ADAMTS17: variants seen among roughly 807,000 people sequenced by gnomAD.
ADAMTS17 encodes the protein A disintegrin and metalloproteinase with thrombospondin motifs 17.
ADAMTS17 carries 113 observed loss-of-function variants against 141.5 expected under a neutral mutation model. That is an observed-to-expected ratio of 0.80 (90% confidence interval 0.69 to 0.93). The LOEUF is 0.93. Ranked by LOEUF, ADAMTS17 falls within the 40% of genes least tolerant of loss-of-function variation. ADAMTS17 has a pLI of 0.00. For missense variants in ADAMTS17, 1,659 were observed against 1,517.9 expected, an observed-to-expected ratio of 1.09 and a Z score of -1.54; for synonymous variants, 768 against 630.6, an observed-to-expected ratio of 1.22 and a Z score of -3.27.
Position 100,051,854 on chromosome 15 carries a change from G to T in ADAMTS17, c.2296-123C>A, listed in dbSNP as rs1268576640. On this transcript the variant is annotated intron_variant, in intron 16 of 21. Coordinates refer to ENST00000268070, the MANE Select transcript of ADAMTS17 (RefSeq NM_139057.4). ...ATGAGGGGTAACCAGCTCTTTTCTGGGGCTGAAAACAGGTTCCACTGAGGG... is the reference window on the plus strand; with the variant it reads ...ATGAGGGGTAACCAGCTCTTTTCTGTGGCTGAAAACAGGTTCCACTGAGGG... The T allele has an allele frequency of 6.2e-6, 8 of 1,293,676 alleles. No homozygotes were observed. The South Asian group carries it at 9.6e-5, about 15-fold the overall frequency. 80.1% of individuals were successfully genotyped at this position (1,293,676 alleles called of 1,614,324 possible). A position where few individuals can be genotyped will look rare whatever the true frequency, so the allele number is the denominator to read the frequency against.
At chr15:100,255,505 C>T (rs979554111) in intron 6 of ADAMTS17, among the ~76,000 whole-genome samples, 1 of 152,156 alleles carries the variant, frequency 6.6e-6, no homozygotes, top group Non-Finnish European at 1.5e-5. Context: ...AGAAGCAGCA[C>T]TGGCAGAGGG....
intron 18 of ADAMTS17, among the ~76,000 whole-genome samples, chr15:100,019,843 GC>G (rs2061368721): frequency 6.6e-6 from 1 of 152,166 alleles, no homozygotes; most frequent in South Asian, 2.1e-4. Flanking sequence ...ACAGCCAGAT[GC>G]CCATCTCCCT....
chr15:100,193,546 G>T (rs1342478325), intron 8 of ADAMTS17, among the ~76,000 whole-genome samples: 1 of 152,208 alleles, frequency 6.6e-6, no homozygotes, highest in African/African-American at 2.4e-5. Flanking sequence ...CTCCAATGTT[G>T]CGTCTTCCGC....
intron 7 of ADAMTS17, among the ~76,000 whole-genome samples, chr15:100,222,274 C>T (rs776398188): frequency 1.8e-4 from 28 of 152,210 alleles, no homozygotes; most frequent in Non-Finnish European, 2.4e-4. Flanking sequence ...AGACAGTTCT[C>T]TGCCTTAAGT....
Position 100,261,638 on chromosome 15 carries a change from T to TA in ADAMTS17, c.874-3dup. The TA allele has an allele frequency of 6.2e-7, 1 of 1,611,722 alleles. No individual in the cohort carries two copies. The highest frequency in any genetic ancestry group is 8.5e-7 in the Non-Finnish European group (1 of 1,178,910). On this transcript the variant is annotated splice_region_variant and splice_polypyrimidine_tract_variant and intron_variant, in intron 5 of 21. Coordinates refer to ENST00000268070, the MANE Select transcript of ADAMTS17 (RefSeq NM_139057.4). The stretch of plus-strand genomic sequence containing the variant: ...ATGGTGCCCAATGGACAACTTAGCC[T>TA]AAAAAAAGTCAGAGGACAGTTAGAG...
chr15:100,163,466 C>T (rs2039821687), intron 8 of ADAMTS17, among the ~76,000 whole-genome samples: 1 of 152,022 alleles, frequency 6.6e-6, no homozygotes, highest in Admixed American at 6.6e-5. Flanking sequence ...GGTGTGGAGT[C>T]TTAATATTTG....
At chr15:100,296,578 GGGGTGTGTGTGTGTGTGT>G (rs1445063718) in intron 3 of ADAMTS17, among the ~76,000 whole-genome samples, 2 of 127,672 alleles carry the variant, frequency 1.6e-5, no homozygotes, top group East Asian at 6.0e-4. Context: ...GGGGTGAGGG[GGGGTGTGTGTGTGTGTGT>G]GTGTGTGTAT....
At chr15:100,289,787 C>T (rs1174835820) in intron 3 of ADAMTS17, among the ~76,000 whole-genome samples, 2 of 152,158 alleles carry the variant, frequency 1.3e-5, no homozygotes, top group East Asian at 3.9e-4. Flanking sequence ...TCAATAGATG[C>T]AGAAAAAGGC....
chr15:99,974,944 G>A (rs974306248), intron 21 of ADAMTS17, among the ~76,000 whole-genome samples: 2 of 152,184 alleles, frequency 1.3e-5, no homozygotes, highest in African/African-American at 4.8e-5. Flanking sequence ...CAAAAAGCAT[G>A]AGGTCCAAGT....
intron 3 of ADAMTS17, among the ~76,000 whole-genome samples, chr15:100,286,033 G>A (rs761246229): frequency 1.4e-4 from 21 of 152,080 alleles, no homozygotes; most frequent in Admixed American, 3.3e-4. Context: ...TCCCAGGGGC[G>A]GCCCATCATA....
intron 12 of ADAMTS17, among the ~76,000 whole-genome samples, chr15:100,123,328 C>T (rs571852623): frequency 6.6e-6 from 1 of 152,336 alleles, no homozygotes; most frequent in Non-Finnish European, 1.5e-5. Flanking sequence ...GACAGAAAGA[C>T]AGCTTGACAG....
chr15:100,200,785 C>T (rs929144695), intron 7 of ADAMTS17, among the ~76,000 whole-genome samples: 1 of 152,170 alleles, frequency 6.6e-6, no homozygotes, highest in Non-Finnish European at 1.5e-5. Context: ...GGAAGGAGCA[C>T]TTGCTCTCCC....
At chr15:100,111,224 C>A (rs1021219990) in intron 13 of ADAMTS17, among the ~76,000 whole-genome samples, 1 of 152,236 alleles carries the variant, frequency 6.6e-6, no homozygotes, top group African/African-American at 2.4e-5. Flanking sequence ...ATGTTTGCTT[C>A]TGAAGGCCCC....
intron 4 of ADAMTS17, among the ~76,000 whole-genome samples, chr15:100,268,544 C>T (rs960709163): frequency 6.6e-6 from 1 of 152,164 alleles, no homozygotes; most frequent in Non-Finnish European, 1.5e-5. Context: ...CTGATGATTG[C>T]TGATGTGGAG....
intron 7 of ADAMTS17, among the ~76,000 whole-genome samples, chr15:100,243,818 A>AGAAAT (rs2042903453): frequency 2.1e-5 from 2 of 94,962 alleles, no homozygotes; most frequent in Admixed American, 1.1e-4. Context: ...GAAAAGAAAA[A>AGAAAT]GAAATGAAAT....
intron 7 of ADAMTS17, among the ~76,000 whole-genome samples, chr15:100,232,114 C>G (rs1015940997): frequency 6.6e-6 from 1 of 152,246 alleles, no homozygotes; most frequent in African/African-American, 2.4e-5. Context: ...GAAATTGACA[C>G]TTCCAATGAG....
chr15:99,996,776 T>G (rs2060811001), intron 19 of ADAMTS17, among the ~76,000 whole-genome samples: 1 of 152,172 alleles, frequency 6.6e-6, no homozygotes, highest in Non-Finnish European at 1.5e-5. Context: ...CAGCTATTTT[T>G]TTTTTTGTAG....
chr15:100,317,279 C>T (rs995346954), intron 3 of ADAMTS17, among the ~76,000 whole-genome samples: 4 of 152,158 alleles, frequency 2.6e-5, no homozygotes, highest in African/African-American at 7.2e-5. Context: ...GCTTGGAAGA[C>T]AATGGCAAAC....
chr15:100,109,261 C>CAGCTCCTCTAAACACGCGGCAG (rs1185166796), intron 13 of ADAMTS17, 145 bp from the exon 14 acceptor site: 14 of 972,008 alleles, frequency 1.4e-5, no homozygotes, highest in Non-Finnish European at 2.0e-5. Context: ...GTACGCGCTC[C>CAGCTCCTCTAAACACGCGGCAG]AGGAAGCGGA....
Sources: allele counts gnomAD v4.1 joint callset (sites outside exome capture counted in the v4.1 genomes callset), GRCh38; gene constraint gnomAD v4.1.1; transcripts MANE v1.5; gene names NCBI Gene and HGNC (gene_info 2026-07-23, HGNC 2026-07-21).